The following DCAF6 variants were observed in gnomAD, a reference collection of about 807,000 sequenced individuals.
The protein encoded by DCAF6 is DDB1- and CUL4-associated factor 6.
DCAF6 carries 54 observed loss-of-function variants against 125.1 expected under a neutral mutation model. The observed-to-expected ratio is 0.43, with a 90% CI of 0.35 to 0.54. The LOEUF is 0.54. DCAF6 is among the 20% of genes least tolerant of loss of function. The pLI, the probability that DCAF6 is intolerant of heterozygous loss-of-function variation, is 0.01. For missense variants in DCAF6, 934 were observed against 1,161.7 expected (o/e 0.80, Z 2.85); for synonymous variants, 371 against 390.4 (o/e 0.95, Z 0.58).
chr1:167,901,663 T>C, the DCAF6 span: 1 of 1,613,970 alleles, frequency 6.2e-7, no homozygotes, highest in African/African-American at 1.3e-5. Flanking sequence ...AATGCTTACC[T>C]ATCTTGACTC....
At chr1:167,937,258 G>A (rs1426386984) in intron 1 of DCAF6, 2 of 557,254 alleles carry the variant, frequency 3.6e-6, no homozygotes, top group African/African-American at 3.9e-5. Context: ...AGAAGGTACT[G>A]GCTTGTAAAG....
the DCAF6 span, chr1:167,904,595 C>T: frequency 2.2e-6 from 1 of 459,870 alleles, no homozygotes; most frequent in Non-Finnish European, 3.8e-6. Flanking sequence ...AAAACACACA[C>T]ATTTCAAACA....
chr1:168,025,960 T>G (rs1686288506), intron 12 of DCAF6, among the ~76,000 whole-genome samples: 1 of 152,224 alleles, frequency 6.6e-6, no homozygotes, highest in Non-Finnish European at 1.5e-5. Context: ...CAAATAGACT[T>G]ACTTTCATTT....
chr1:167,988,034 CAT>C (rs1347025496), intron 5 of DCAF6, among the ~76,000 whole-genome samples: 1 of 151,986 alleles, frequency 6.6e-6, no homozygotes, highest in Non-Finnish European at 1.5e-5. Flanking sequence ...CCAATAATTA[CAT>C]GTTATCTTTT....
intron 2 of DCAF6, among the ~76,000 whole-genome samples, chr1:167,958,087 A>G (rs1002639734): frequency 6.6e-6 from 1 of 152,008 alleles, no homozygotes; most frequent in Admixed American, 6.6e-5. Context: ...CCTTCATTCT[A>G]TGGGTTGTCT....
intron 12 of DCAF6, among the ~76,000 whole-genome samples, chr1:168,034,461 T>C (rs1403500246): frequency 6.6e-6 from 1 of 152,156 alleles, no homozygotes; most frequent in African/African-American, 2.4e-5. Context: ...CAGTGAGCTA[T>C]GAAGGTGCCA....
At chr1:167,995,914 TCTTA>T (rs1681608851) in intron 7 of DCAF6, among the ~76,000 whole-genome samples, 1 of 152,132 alleles carries the variant, frequency 6.6e-6, no homozygotes. Context: ...AGACATGATC[TCTTA>T]CTTAAGGAAT....
At chr1:168,075,045 T>C (rs759352060) in intron 21 of DCAF6, among the ~76,000 whole-genome samples, 1 of 152,212 alleles carries the variant, frequency 6.6e-6, no homozygotes, top group Non-Finnish European at 1.5e-5. Context: ...CACAGCTGCC[T>C]CCTCACTCCC....
In DCAF6 at chr1:168,072,025, C is replaced by T. The variant is rs368422144; in HGVS notation, c.2792-3346C>T. 6.8e-4 allele frequency among the ~76,000 whole-genome samples: 103 copies of T among 152,068 alleles called. 1 individual carries two copies. The highest frequency in any genetic ancestry group is 2.4e-3 in the African/African-American group (98 of 41,494). ...CTTAGAAAAGTCTTCCCTGGTAGTGCGGTGGCTCATGCCTGTAATCCCAGC... is the reference window on the plus strand; with the variant it reads ...CTTAGAAAAGTCTTCCCTGGTAGTGTGGTGGCTCATGCCTGTAATCCCAGC... On this transcript the variant is annotated intron_variant, in intron 21 of 21. Coordinates refer to ENST00000367840, the MANE Select transcript of DCAF6 (RefSeq NM_001198956.2).
intron 12 of DCAF6, among the ~76,000 whole-genome samples, chr1:168,034,481 C>T (rs1027926405): frequency 2.6e-5 from 4 of 152,086 alleles, no homozygotes; most frequent in South Asian, 2.1e-4. Flanking sequence ...ACCACGCTAC[C>T]GTGGGTGATA....
chr1:168,038,321 T>A, intron 12 of DCAF6, 50 bp from the exon 13 acceptor site: 2 of 1,368,760 alleles, frequency 1.5e-6, no homozygotes, highest in Non-Finnish European at 2.0e-6. Context: ...AAATGTCATC[T>A]TTTTACTGGT....
At position 168,015,911 on chromosome 1, in the gene DCAF6, GTC is replaced by G; in HGVS notation, c.1511_1512del (p.Ser504PhefsTer3). On this transcript the variant is annotated frameshift_variant, in exon 11 of 22. Coordinates refer to ENST00000367840, the MANE Select transcript of DCAF6 (RefSeq NM_001198956.2). LOFTEE classifies it high-confidence loss of function. ...AGCAACAGCCTTCCACTTCTGATCA[GTC>G]TTCTCATGAGGGCTCTTCACAGGAC... ...TQQQPSTSDQ[S>X]SHEGSSQDPH... 6.5e-7 allele frequency: 1 copy of G among 1,538,414 alleles called. No homozygotes were observed. Among genetic ancestry groups the G allele is most frequent in the Middle Eastern group, 1.7e-4 (1 of 5,952 alleles).
intron 2 of DCAF6, among the ~76,000 whole-genome samples, chr1:167,954,671 C>T (rs1169076003): frequency 6.6e-6 from 1 of 151,650 alleles, no homozygotes; most frequent in Non-Finnish European, 1.5e-5. Flanking sequence ...CCAGGATGGT[C>T]TCGATCTCCT....
At chr1:167,977,527 G>A (rs945344849) in intron 4 of DCAF6, among the ~76,000 whole-genome samples, 1 of 151,738 alleles carries the variant, frequency 6.6e-6, no homozygotes, top group African/African-American at 2.4e-5. Flanking sequence ...TTTCTTTGCC[G>A]GGTTTTTTTC....
At chr1:168,067,785 T>C (rs1443122348) in intron 20 of DCAF6, among the ~76,000 whole-genome samples, 5 of 152,214 alleles carry the variant, frequency 3.3e-5, no homozygotes, top group Non-Finnish European at 7.3e-5. Context: ...CCATGTTTTT[T>C]GCTTTTCCAC....
At chr1:167,918,579 C>T in the DCAF6 span, among the ~76,000 whole-genome samples, 1 of 146,984 alleles carries the variant, frequency 6.8e-6, no homozygotes, top group East Asian at 2.0e-4. Context: ...ATAATAAGAG[C>T]ACAACTGCCA....
intron 2 of DCAF6, among the ~76,000 whole-genome samples, chr1:167,958,395 A>G (rs968927570): frequency 1.1e-4 from 17 of 151,994 alleles, no homozygotes; most frequent in African/African-American, 3.4e-4. Context: ...ATTTGGTGAA[A>G]AGACTTTTCT....
At chr1:168,072,911 C>A (rs1377255525) in intron 21 of DCAF6, among the ~76,000 whole-genome samples, 1 of 152,160 alleles carries the variant, frequency 6.6e-6, no homozygotes. Flanking sequence ...AGGAACCTTT[C>A]TACAAATGTA....
intron 4 of DCAF6, 37 bp downstream of exon 4, chr1:167,975,052 G>A (rs1677930940): frequency 7.3e-7 from 1 of 1,373,582 alleles, no homozygotes; most frequent in Non-Finnish European, 9.7e-7. Context: ...ATATATGTAA[G>A]TATGTATATT....
Sources: gnomAD v4.1 joint callset for allele counts (sites outside exome capture counted in the v4.1 genomes callset) on GRCh38, gnomAD v4.1.1 for gene constraint, MANE v1.5 for transcripts, NCBI Gene and HGNC (gene_info 2026-07-23, HGNC 2026-07-21) for gene names.